The following RIPOR2 variants were observed in gnomAD, a reference collection of about 807,000 sequenced individuals.
RIPOR2 encodes rho family-interacting cell polarization regulator 2.
RIPOR2 carries 39 observed loss-of-function variants against 114.5 expected under a neutral mutation model. That is an observed-to-expected ratio of 0.34 (90% CI 0.26 to 0.44). RIPOR2 has a LOEUF of 0.44. Ranked by LOEUF, RIPOR2 falls within the 20% of genes least tolerant of loss-of-function variation. RIPOR2 has a pLI of 1.00. For missense variants in RIPOR2, 1,007 were observed against 1,255.1 expected (o/e 0.80, Z 2.99); for synonymous variants, 445 against 484.4 (o/e 0.92, Z 1.07).
In RIPOR2 at chr6:24,839,230, G is replaced by T; in HGVS notation, c.1900C>A (p.Leu634Ile). The T allele has an allele frequency of 6.4e-7, 1 of 1,551,894 alleles. No homozygotes were observed. Residue 634 changes from leucine to isoleucine, a missense_variant, in exon 14 of 22, where the codon CTC (leucine) becomes ATC (isoleucine). Physicochemically the swap from Leu to Ile is conservative, Grantham distance 5. Transcript: ENST00000643898. ...VSRSRSSSLS[L>I]TVESALESFD... ...CTTTCTAAAGCACTTTCAACTGTGA[G>T]ACTTAAACTGGAAGACCTGCTGCGG...
intron 1 of RIPOR2, among the ~76,000 whole-genome samples, chr6:24,916,415 G>A (rs944141381): frequency 6.6e-6 from 1 of 152,108 alleles, no homozygotes; most frequent in Admixed American, 6.6e-5. Context: ...TAAGCTCTGC[G>A]ATGTCAGGAA....
At chr6:24,915,400 G>A (rs930819961) in intron 1 of RIPOR2, among the ~76,000 whole-genome samples, 1 of 149,700 alleles carries the variant, frequency 6.7e-6, no homozygotes, top group Non-Finnish European at 1.5e-5. Flanking sequence ...TGTCACCCAG[G>A]CTGGAGTGCA....
rs34107737 is a variant in RIPOR2, at chr6:25,019,774, C to CAAA, written c.76+22074_76+22076dup. 2.0e-3 allele frequency among the ~76,000 whole-genome samples: 104 copies of CAAA among 53,056 alleles called. 2 individuals carry two copies. The highest frequency in any genetic ancestry group is 3.9e-3 in the African/African-American group (44 of 11,342). The allele number at this position is 53,056 out of a possible 152,430, so 34.8% of individuals were successfully genotyped here. ...TGGGCAACAGAGCAAGACTCTGTCT[C>CAAA]AAAAAAAAAAAAAAAAAAAAAAAAG... On this transcript the variant is annotated intron_variant, in intron 1 of 13. Coordinates refer to the RIPOR2 transcript ENST00000510784.
At position 24,964,391 on chromosome 6, in the gene RIPOR2, C is replaced by A. The variant is rs561248034; in HGVS notation, c.76+77460G>T. Among the ~76,000 whole-genome samples, 3 of 152,290 alleles carry A rather than the reference C, an allele frequency of 2.0e-5. No homozygotes were observed. In the South Asian group the frequency reaches 6.2e-4, roughly 32 times the overall value. On this transcript the variant is annotated intron_variant, in intron 1 of 13. Transcript: ENST00000510784. The stretch of plus-strand genomic sequence containing the variant: ...CAAATGTATAATTGAACCCATACAA[C>A]CTGTGTCCTTTTGAGATTGGCTTTT...
chr6:24,986,764 G>A (rs1425971897), intron 1 of RIPOR2, among the ~76,000 whole-genome samples: 1 of 152,164 alleles, frequency 6.6e-6, no homozygotes, highest in Non-Finnish European at 1.5e-5. Flanking sequence ...GAGAGGAGTT[G>A]AGAAGATTAA....
chr6:24,896,041 T>C (rs80154406), intron 1 of RIPOR2, among the ~76,000 whole-genome samples: 5,087 of 152,248 alleles, frequency 0.033, 120 homozygotes, highest in Non-Finnish European at 0.051. Context: ...AACTTCTTCA[T>C]TGCACTGTTG....
At chr6:24,927,992 T>G (rs1176152399) in intron 1 of RIPOR2, among the ~76,000 whole-genome samples, 1 of 152,260 alleles carries the variant, frequency 6.6e-6, no homozygotes, top group Non-Finnish European at 1.5e-5. Context: ...CTCTAGAAGC[T>G]GTTTGCAGAG....
chr6:25,005,712 T>C (rs1392174486), intron 1 of RIPOR2, among the ~76,000 whole-genome samples: 1 of 81,398 alleles, frequency 1.2e-5, no homozygotes, highest in East Asian at 3.6e-4. Context: ...TATATATATA[T>C]ATATATATAT....
chr6:24,881,763 C>G (rs1215669397), intron 1 of RIPOR2, among the ~76,000 whole-genome samples: 3 of 152,072 alleles, frequency 2.0e-5, no homozygotes, highest in Non-Finnish European at 4.4e-5. Flanking sequence ...CCACCTGACC[C>G]AAACACCTGG....
rs554664159 is a variant in RIPOR2, at chr6:24,941,823, CT to C, written c.77-66007del. Among the ~76,000 whole-genome samples, 453 of 152,228 alleles carry C rather than the reference CT, an allele frequency of 3.0e-3. 1 individual carries two copies. Among genetic ancestry groups the C allele is most frequent in the Middle Eastern group, 6.8e-3 (2 of 294 alleles). On this transcript the variant is annotated intron_variant, in intron 1 of 13. Transcript: ENST00000510784. ...TCAGGGATCACTGTACAGTCTGCCC[CT>C]CCTCCCCTTTTTTTAACCTCAAGAC...
intron 1 of RIPOR2, among the ~76,000 whole-genome samples, chr6:24,958,486 C>T (rs115086705): frequency 0.024 from 3,706 of 152,156 alleles, 67 homozygotes; most frequent in Non-Finnish European, 0.04. Context: ...TACTTCCCAG[C>T]GCATTAACTC....
intron 1 of RIPOR2, among the ~76,000 whole-genome samples, chr6:24,988,730 T>C (rs1774651894): frequency 6.6e-6 from 1 of 152,128 alleles, no homozygotes; most frequent in African/African-American, 2.4e-5. Context: ...CTCTCCATCA[T>C]GCCTTGTCCT....
intron 1 of RIPOR2, among the ~76,000 whole-genome samples, chr6:24,881,201 G>A (rs1208422071): frequency 2.0e-5 from 3 of 152,198 alleles, no homozygotes; most frequent in South Asian, 2.1e-4. Flanking sequence ...CCGAGATCAC[G>A]CCATTGTACT....
chr6:24,937,506 C>A (rs1771881073), upstream of RIPOR2, among the ~76,000 whole-genome samples: 1 of 152,100 alleles, frequency 6.6e-6, no homozygotes, highest in African/African-American at 2.4e-5. Flanking sequence ...CTACCATGAT[C>A]CCCACTTGAA....
intron 1 of RIPOR2, among the ~76,000 whole-genome samples, chr6:24,974,411 T>C (rs1238979690): frequency 7.1e-6 from 1 of 141,230 alleles, no homozygotes; most frequent in Non-Finnish European, 1.5e-5. Context: ...CAATTGAAAT[T>C]ATAAAATATG....
chr6:24,843,377 T>C lies in RIPOR2; in HGVS notation c.1342A>G (p.Ser448Gly). The C allele has an allele frequency of 6.2e-7, 1 of 1,613,940 alleles. No homozygotes were observed. Among genetic ancestry groups the C allele is most frequent in the Non-Finnish European group, 8.5e-7 (1 of 1,179,876 alleles). ...CCCTCATTCTGGGAGGCCAAGCTGC[T>C]GAGGTTAAACTCCGCAGGGGTGATG... ...ITITPAEFNL[S>G]SLASQNEGMD... Residue 448 changes from serine to glycine, a missense_variant, in exon 13 of 22, where the codon AGC becomes GGC. By Grantham distance (56) the Ser-to-Gly change is moderately conservative. Coordinates refer to ENST00000643898, the MANE Select transcript of RIPOR2 (RefSeq NM_001286445.3).
At chr6:24,869,022 G>C in intron 6 of RIPOR2, 72 bp downstream of exon 6, 2 of 845,424 alleles carry the variant, frequency 2.4e-6, no homozygotes, top group South Asian at 1.5e-5. Context: ...TAGATACTAC[G>C]CTCAGCCCAA....
rs761021047 is a variant in RIPOR2, at chr6:24,843,110, T to A, written c.1609A>T (p.Thr537Ser). 18 of 1,613,890 alleles carry A rather than the reference T, an allele frequency of 1.1e-5. No homozygotes were observed. The highest frequency in any genetic ancestry group is 3.3e-5 in the South Asian group (3 of 91,088). Residue 537 changes from threonine to serine, a missense_variant, in exon 13 of 22, where the codon ACT becomes TCT. Physicochemically the swap from Thr to Ser is moderately conservative, Grantham distance 58. Coordinates refer to ENST00000643898, the MANE Select transcript of RIPOR2 (RefSeq NM_001286445.3). ...ASELKPVELDTSEGNITKQLV... is the reference protein window; with the variant it reads ...ASELKPVELDSSEGNITKQLV... ...TGCTTTGTGATGTTTCCTTCCGAAG[T>A]GTCCAGTTCCACAGGCTTGAGCTCA...
intron 1 of RIPOR2, among the ~76,000 whole-genome samples, chr6:24,921,446 G>A (rs940716069): frequency 1.3e-5 from 2 of 152,018 alleles, no homozygotes; most frequent in Non-Finnish European, 2.9e-5. Context: ...TTACAGGCGT[G>A]AGCCACCATG....
Sources: allele counts gnomAD v4.1 joint callset (sites outside exome capture counted in the v4.1 genomes callset), GRCh38; gene constraint gnomAD v4.1.1; transcripts MANE v1.5; gene names NCBI Gene and HGNC (gene_info 2026-07-23, HGNC 2026-07-21).